The following ZNF236 variants were observed in gnomAD, a reference collection of about 807,000 sequenced individuals.
ZNF236 encodes regulated by glucose.
A neutral mutation model predicts 191.2 loss-of-function variants in ZNF236; 50 were observed. The ratio of observed to expected loss-of-function variants is 0.26; its 90% CI spans 0.21 to 0.33. The LOEUF (loss-of-function observed/expected upper bound fraction) is 0.33, where lower values mean the gene tolerates loss of function less well. Among genes scored for constraint, ZNF236 ranks in the 10% least tolerant of loss-of-function variants. The pLI is 1.00. For missense variants in ZNF236, 1,754 were observed against 2,374.5 expected, an observed-to-expected ratio of 0.74 and a Z score of 5.43; for synonymous variants, 907 against 928.8, an observed-to-expected ratio of 0.98 and a Z score of 0.43.
rs1399722595 is a variant in ZNF236 at position 76,947,551 on chromosome 18, C to T, written c.4813C>T (p.Pro1605Ser). 1 of 1,613,988 alleles carries T rather than the reference C, an allele frequency of 6.2e-7. No individual in the cohort carries two copies. Among genetic ancestry groups the T allele is most frequent in the Non-Finnish European group, 8.5e-7 (1 of 1,179,948 alleles). ...GQQFPALLTD[P>S]SLSGQGGAGS... The stretch of plus-strand genomic sequence containing the variant: ...GCAGTTCCCAGCGCTCCTCACGGAT[C>T]CCTCTCTCTCGGGCCAGGGTGGAGC... Residue 1605 changes from proline to serine, a missense_variant, in exon 27 of 31, where the codon CCC becomes TCC. Around this residue, in one of 5 missense-constraint regions of ZNF236, gnomAD observed 606 missense variants for 761.5 expected, o/e 0.80. Coordinates refer to ENST00000320610, the MANE Select transcript of ZNF236 (RefSeq NM_001306089.2).
chr18:76,902,245 A>G (rs1977614196), intron 11 of ZNF236, among the ~76,000 whole-genome samples: 3 of 152,186 alleles, frequency 2.0e-5, no homozygotes, highest in Non-Finnish European at 4.4e-5. Flanking sequence ...ATTTGTGTTC[A>G]TCTCTTCTCT....
At chr18:76,943,954 T>C (rs1968199588) in intron 26 of ZNF236, among the ~76,000 whole-genome samples, 2 of 152,254 alleles carry the variant, frequency 1.3e-5, no homozygotes, top group South Asian at 4.1e-4. Flanking sequence ...ATTGTACATG[T>C]GAGCAGTAAG....
intron 2 of ZNF236, among the ~76,000 whole-genome samples, chr18:76,850,200 T>G (rs1975817671): frequency 6.6e-6 from 1 of 152,198 alleles, no homozygotes; most frequent in African/African-American, 2.4e-5. Context: ...AGATGGAAAG[T>G]GACAGTTAAA....
Position 76,967,060 on chromosome 18 carries a change from G to A in ZNF236, c.5420-1155G>A, listed in dbSNP as rs956381039. Among the ~76,000 whole-genome samples, 762 of 147,642 alleles carry A rather than the reference G, an allele frequency of 5.2e-3. 10 individuals are homozygous for A. The highest frequency in any genetic ancestry group is 0.018 in the African/African-American group (718 of 39,592). On this transcript the variant is annotated intron_variant, in intron 30 of 30. Transcript: ENST00000320610. ...TTGGTTGTTGGAGGTGATGTGATTC[G>A]TGAGATGTGTTATTTGGTTGTTGGA...
intron 9 of ZNF236, among the ~76,000 whole-genome samples, chr18:76,894,614 A>G (rs1039093684): frequency 1.5e-4 from 23 of 152,126 alleles, no homozygotes; most frequent in African/African-American, 5.6e-4. Flanking sequence ...TTGCATTTAT[A>G]TTTTTTTAAT....
chr18:76,830,331 C>A (rs1481447542), intron 1 of ZNF236, among the ~76,000 whole-genome samples: 1 of 152,068 alleles, frequency 6.6e-6, no homozygotes, highest in Non-Finnish European at 1.5e-5. Context: ...ATGAACCTAC[C>A]ATAAATTACT....
At chr18:76,856,001 A>G (rs891789270) in intron 3 of ZNF236, among the ~76,000 whole-genome samples, 1 of 152,178 alleles carries the variant, frequency 6.6e-6, no homozygotes, top group African/African-American at 2.4e-5. Flanking sequence ...TTGTCAGTTT[A>G]TCCTCCAGCC....
At position 76,880,001 on chromosome 18, in the gene ZNF236, C is replaced by T. The variant is rs1245589823; in HGVS notation, c.985-112C>T. On this transcript the variant is annotated intron_variant, in intron 7 of 30. Coordinates refer to ENST00000320610, the MANE Select transcript of ZNF236 (RefSeq NM_001306089.2). This position sits in a 1 kb window ranked among gnomAD's most constrained non-coding sequence, Gnocchi z 5.0. ...ATTTAAAATTTATGTTTAGGATACTCTTAGATTTTAACACCCTTAAGGAGG... is the reference window on the plus strand; with the variant it reads ...ATTTAAAATTTATGTTTAGGATACTTTTAGATTTTAACACCCTTAAGGAGG... The T allele has an allele frequency of 1.1e-5, 11 of 973,276 alleles. No individual in the cohort carries two copies. The highest frequency in any genetic ancestry group is 1.5e-5 in the Non-Finnish European group (10 of 663,922). 60.3% of individuals were successfully genotyped at this position (973,276 alleles called of 1,614,324 possible). A position where few individuals can be genotyped will look rare whatever the true frequency, so the allele number is the denominator to read the frequency against.
chr18:76,864,360 C>T (rs111873256), intron 3 of ZNF236, among the ~76,000 whole-genome samples: 29,789 of 151,880 alleles, frequency 0.2, 3,431 homozygotes, highest in Middle Eastern at 0.28. Context: ...CCACCACACC[C>T]GGCTAGTTTT....
chr18:76,951,108 G>A (rs1313336807), intron 27 of ZNF236, among the ~76,000 whole-genome samples: 1 of 152,212 alleles, frequency 6.6e-6, no homozygotes, highest in Non-Finnish European at 1.5e-5. Flanking sequence ...CATTTGTAGA[G>A]CACAGAAAGA....
intron 26 of ZNF236, among the ~76,000 whole-genome samples, chr18:76,940,833 T>C (rs1968118368): frequency 6.6e-6 from 1 of 152,170 alleles, no homozygotes; most frequent in Admixed American, 6.5e-5. Flanking sequence ...CATGGTCTGT[T>C]AGCATCCAGG....
intron 9 of ZNF236, among the ~76,000 whole-genome samples, chr18:76,892,953 T>C (rs933515436): frequency 2.6e-5 from 4 of 152,232 alleles, no homozygotes; most frequent in Non-Finnish European, 4.4e-5. Flanking sequence ...ATCTTTCCAT[T>C]TGTCAGAGTT....
At chr18:76,842,230 T>A (rs2122463364) in intron 1 of ZNF236, among the ~76,000 whole-genome samples, 1 of 147,518 alleles carries the variant, frequency 6.8e-6, no homozygotes, top group Non-Finnish European at 1.5e-5. Context: ...TTATTTATTT[T>A]ATGTTTAATT....
chr18:76,863,565 A>G (rs2122571506), intron 3 of ZNF236, among the ~76,000 whole-genome samples: 1 of 152,228 alleles, frequency 6.6e-6, no homozygotes, highest in East Asian at 1.9e-4. Context: ...AAAGAAAAGA[A>G]TTGTCAATTA....
intron 30 of ZNF236, among the ~76,000 whole-genome samples, chr18:76,961,111 C>T (rs893786187): frequency 1.3e-5 from 2 of 152,174 alleles, no homozygotes; most frequent in African/African-American, 4.8e-5. Context: ...ATCACCTGAG[C>T]AGTGTACACT....
At chr18:76,935,487 T>G (rs1272038805) in intron 25 of ZNF236, among the ~76,000 whole-genome samples, 4 of 152,230 alleles carry the variant, frequency 2.6e-5, no homozygotes, top group Non-Finnish European at 5.9e-5. Context: ...AAAGTCAGGA[T>G]TAGTTGACTG....
At chr18:76,939,563 C>T (rs1325939267) in intron 26 of ZNF236, among the ~76,000 whole-genome samples, 2 of 152,172 alleles carry the variant, frequency 1.3e-5, no homozygotes, top group African/African-American at 4.8e-5. Flanking sequence ...ATTTACCATT[C>T]AAGGAACACA....
intron 10 of ZNF236, among the ~76,000 whole-genome samples, chr18:76,896,795 C>T (rs945015323): frequency 6.6e-6 from 1 of 151,498 alleles, no homozygotes; most frequent in Non-Finnish European, 1.5e-5. Context: ...CAGGTATGGC[C>T]TGCAGTGCTG....
rs75174245 is a variant in ZNF236 at position 76,953,926 on chromosome 18, T to C, written c.4915-2059T>C. On this transcript the variant is annotated intron_variant, in intron 27 of 30. Coordinates refer to ENST00000320610, the MANE Select transcript of ZNF236 (RefSeq NM_001306089.2). ...CACACTCCTCATGCTTGGGAGGGGG[T>C]GGACATACACGCTCCTACCCTCCCA... 8.1e-3 allele frequency among the ~76,000 whole-genome samples: 1,230 copies of C among 152,130 alleles called. 14 individuals carry two copies. Among genetic ancestry groups the C allele is most frequent in the African/African-American group, 0.028 (1,153 of 41,472 alleles).
Sources: gnomAD v4.1 joint callset for allele counts (sites outside exome capture counted in the v4.1 genomes callset) on GRCh38, gnomAD v4.1.1 for gene constraint, gnomAD v4.1.1 regional missense constraint, Gnocchi (gnomAD v3.1) non-coding constraint, MANE v1.5 for transcripts, NCBI Gene and HGNC (gene_info 2026-07-23, HGNC 2026-07-21) for gene names.